The following DLG5 variants were observed in gnomAD, a reference collection of about 807,000 sequenced individuals.
The protein encoded by DLG5 is discs large MAGUK scaffold protein 5, also known as disks large homolog 5.
A neutral mutation model predicts 189.8 loss-of-function variants in DLG5; 48 were observed. That is an observed-to-expected ratio of 0.25 (90% CI 0.20 to 0.32). The LOEUF is 0.32. Among genes scored for constraint, DLG5 ranks in the 10% least tolerant of loss-of-function variants. The pLI, the probability that DLG5 is intolerant of heterozygous loss-of-function variation, is 1.00. For synonymous variants in DLG5, 1,016 were observed against 1,054.1 expected (o/e 0.96, Z 0.70); for missense variants, 2,160 against 2,544.7 (o/e 0.85, Z 3.25).
chr10:77,927,415 T>G (rs927602577), upstream of DLG5: 9 of 152,236 alleles, frequency 5.9e-5, no homozygotes, highest in Non-Finnish European at 1.3e-4. Context: ...CCCCTAAATT[T>G]GGACATCTCC....
rs1382274099 is a variant in DLG5 at position 77,822,637 on chromosome 10, T to A, written c.2383-536A>T. 5.9e-5 allele frequency among the ~76,000 whole-genome samples: 9 copies of A among 152,178 alleles called. No individual in the cohort carries two copies. In the East Asian group the frequency reaches 1.5e-3, roughly 26 times the overall value. Reference sequence around the variant, plus strand: ...CAGTCTGGGCGACACAATGAGACTCTGTCTCAAAAAGAAGGAAATTACCTG... The same window carrying A: ...CAGTCTGGGCGACACAATGAGACTCAGTCTCAAAAAGAAGGAAATTACCTG... On this transcript the variant is annotated intron_variant, in intron 14 of 31. Transcript: ENST00000372391.
chr10:77,848,136 C>T (rs1370764531), intron 5 of DLG5, among the ~76,000 whole-genome samples: 2 of 152,138 alleles, frequency 1.3e-5, no homozygotes, highest in Non-Finnish European at 2.9e-5. Context: ...ACAGGGGAGG[C>T]ACAAAGACAG....
chr10:77,797,450 C>T (rs1840979182), intron 27 of DLG5, among the ~76,000 whole-genome samples: 2 of 152,208 alleles, frequency 1.3e-5, no homozygotes, highest in Admixed American at 1.3e-4. Context: ...AGAGTCACAA[C>T]AGAGCAACAC....
Position 77,807,817 on chromosome 10 carries a change from G to A in DLG5, c.4775C>T (p.Pro1592Leu), listed in dbSNP as rs1417784692. 6.2e-7 allele frequency: 1 copy of A among 1,613,846 alleles called. No homozygotes were observed. The highest frequency in any genetic ancestry group is 1.3e-5 in the African/African-American group (1 of 74,924). ...PEEFTKAKGL[P>L]GDSFYIRALY... is the part of the protein sequence containing the mutation. ...GTACCTGATGTAGAAGCTGTCACCA[G>A]GCAGGCCCTTGGCCTTCGTGAACTC... is the stretch of plus-strand genomic sequence containing the variant. Residue 1592 changes from proline to leucine, a missense_variant, in exon 25 of 32, where the codon CCT becomes CTT. Around this residue, in one of 5 missense-constraint regions of DLG5, gnomAD observed 574 missense variants for 644.2 expected, o/e 0.89. Coordinates refer to ENST00000372391, the MANE Select transcript of DLG5 (RefSeq NM_004747.4).
chr10:77,845,498 A>T (rs986097635), intron 5 of DLG5: 1 of 152,238 alleles, frequency 6.6e-6, no homozygotes. Context: ...TCAGAATCAT[A>T]GCAACAAGAA....
chr10:77,925,019 G>A (rs971889641), intron 1 of DLG5, among the ~76,000 whole-genome samples: 4 of 152,060 alleles, frequency 2.6e-5, no homozygotes, highest in African/African-American at 9.7e-5. Context: ...CAGCCCTCTC[G>A]GTTCACTTGT....
chr10:77,881,235 A>G (rs78726384), intron 1 of DLG5, among the ~76,000 whole-genome samples: 4,869 of 152,158 alleles, frequency 0.032, 265 homozygotes, highest in African/African-American at 0.11. Flanking sequence ...AGATCAGAAA[A>G]AGTGATACTC....
Position 77,819,377 on chromosome 10 carries a change from G to T in DLG5, c.3615C>A (p.Gly1205=), listed in dbSNP as rs752291358. The T allele has an allele frequency of 6.8e-6, 11 of 1,613,996 alleles. No individual in the cohort carries two copies. The South Asian group carries it at 7.7e-5, about 11-fold the overall frequency. The change falls in exon 17 of 32, where the codon GGC becomes GGA. Residue 1205 remains glycine, a synonymous_variant. Transcript: ENST00000372391. ...PIYTVRSHRV[G]PCSSPPAARD... ...GGGCCGCAGGTGGAGAGCTGCAGGG[G>T]CCGACCCTGTGACTGCGCACAGTGT...
At chr10:77,822,788 C>T (rs1225320231) in intron 14 of DLG5, among the ~76,000 whole-genome samples, 3 of 152,114 alleles carry the variant, frequency 2.0e-5, no homozygotes. Context: ...ACTGAAACAA[C>T]GTGCAGGAAC....
the DLG5 span, among the ~76,000 whole-genome samples, chr10:77,938,988 G>C: frequency 1.3e-5 from 2 of 152,288 alleles, no homozygotes; most frequent in South Asian, 2.1e-4. Context: ...TTCCAGACCA[G>C]CCTGACCAAC....
intron 13 of DLG5, among the ~76,000 whole-genome samples, chr10:77,824,881 C>T (rs1473199178): frequency 6.6e-6 from 1 of 152,104 alleles, no homozygotes; most frequent in Non-Finnish European, 1.5e-5. Flanking sequence ...AAAACAAGAC[C>T]ATGGATAGGA....
At chr10:77,939,800 G>C in the DLG5 span, among the ~76,000 whole-genome samples, 1 of 152,228 alleles carries the variant, frequency 6.6e-6, no homozygotes, top group Non-Finnish European at 1.5e-5. Context: ...CTCCATGGGA[G>C]GCCTCGTTTA....
At chr10:77,810,678 G>A (rs939912090) in intron 23 of DLG5, among the ~76,000 whole-genome samples, 4 of 152,176 alleles carry the variant, frequency 2.6e-5, no homozygotes, top group African/African-American at 9.7e-5. Context: ...GCTCTGCGGC[G>A]GCCGGCAGTG....
the DLG5 span, among the ~76,000 whole-genome samples, chr10:77,934,862 T>G: frequency 1.0e-5 from 1 of 99,392 alleles, no homozygotes; most frequent in Non-Finnish European, 1.8e-5. Context: ...GTTTTTTTGT[T>G]TTTTTTTTTT....
At chr10:77,884,440 G>A (rs1202924475) in intron 1 of DLG5, among the ~76,000 whole-genome samples, 1 of 152,168 alleles carries the variant, frequency 6.6e-6, no homozygotes, top group East Asian at 1.9e-4. Context: ...GGACCCCACA[G>A]TGGATCAGCA....
chr10:77,904,850 C>T (rs1232435182), intron 1 of DLG5, among the ~76,000 whole-genome samples: 6 of 149,704 alleles, frequency 4.0e-5, no homozygotes, highest in East Asian at 4.0e-4. Flanking sequence ...TGGCTCCGGC[C>T]GGGCGCGGTG....
At chr10:77,918,888 C>G (rs1249834995) in intron 1 of DLG5, among the ~76,000 whole-genome samples, 1 of 152,006 alleles carries the variant, frequency 6.6e-6, no homozygotes, top group African/African-American at 2.4e-5. Context: ...TGGGGCAGAA[C>G]ATACAGGTGG....
intron 2 of DLG5, chr10:77,867,031 C>T (rs1271428827): frequency 8.8e-6 from 4 of 457,014 alleles, no homozygotes; most frequent in African/African-American, 4.0e-5. Flanking sequence ...GAGCACTGCA[C>T]TCTGCCTGCC....
chr10:77,884,117 G>C (rs533715216), intron 1 of DLG5, among the ~76,000 whole-genome samples: 2 of 152,202 alleles, frequency 1.3e-5, no homozygotes, highest in Non-Finnish European at 2.9e-5. Context: ...TGGAGCAGGG[G>C]TAGGAGGAGC....
Sources: gnomAD v4.1 joint callset for allele counts (sites outside exome capture counted in the v4.1 genomes callset) on GRCh38, gnomAD v4.1.1 for gene constraint, gnomAD v4.1.1 regional missense constraint, MANE v1.5 for transcripts, NCBI Gene and HGNC (gene_info 2026-07-23, HGNC 2026-07-21) for gene names.